Variants in CGNL1 observed in about 807,000 individuals in gnomAD.
CGNL1 encodes the protein cingulin like 1.
Under a neutral mutation model 141.2 loss-of-function variants are expected in CGNL1, and 132 were observed. The ratio of observed to expected loss-of-function variants is 0.93; its 90% CI spans 0.81 to 1.08. CGNL1 has a LOEUF of 1.08. Ranked by LOEUF, CGNL1 falls within the 50% of genes least tolerant of loss-of-function variation. CGNL1 has a pLI of 0.00. For missense variants in CGNL1, 1,870 were observed against 1,588.6 expected, an observed-to-expected ratio of 1.18 and a Z score of -3.01; for synonymous variants, 690 against 622.1, an observed-to-expected ratio of 1.11 and a Z score of -1.63.
In CGNL1 at chr15:57,461,721, T is replaced by C; in HGVS notation, c.2232T>C (p.Ile744=). The part of the protein sequence containing the change: ...QAKQDLQDLL[I]AKEEQEDLLR... Reference sequence around the variant, plus strand: ...AACAGGATCTTCAAGATCTGCTGATTGCCAAAGAGGAGCAAGAAGACCTCT... The same window carrying C: ...AACAGGATCTTCAAGATCTGCTGATCGCCAAAGAGGAGCAAGAAGACCTCT... The change falls in exon 8 of 19, where the codon ATT becomes ATC. Residue 744 remains isoleucine, a synonymous_variant. Transcript: ENST00000281282. 6.2e-7 allele frequency: 1 copy of C among 1,614,114 alleles called. No homozygotes were observed. Among genetic ancestry groups the C allele is most frequent in the East Asian group, 2.2e-5 (1 of 44,864 alleles).
chr15:57,442,249 A>G (rs2152311487), intron 3 of CGNL1, 124 bp from the exon 4 acceptor site: 1 of 416,920 alleles, frequency 2.4e-6, no homozygotes, highest in East Asian at 5.2e-5. Context: ...TGAGGCTTTA[A>G]TTAATTCACA....
intron 8 of CGNL1, among the ~76,000 whole-genome samples, chr15:57,469,921 T>C (rs1195202495): frequency 1.3e-5 from 2 of 152,246 alleles, no homozygotes; most frequent in East Asian, 3.8e-4. Flanking sequence ...GTAAAACCAG[T>C]GCTAATCTCA....
At chr15:57,453,561 A>G (rs2063344771) in intron 6 of CGNL1, 122 bp from the exon 7 acceptor site, 3 of 1,287,994 alleles carry the variant, frequency 2.3e-6, no homozygotes, top group Admixed American at 2.3e-5. Context: ...TGCAGAACAG[A>G]GAATGGGGAG....
intron 8 of CGNL1, among the ~76,000 whole-genome samples, chr15:57,511,009 G>A (rs907465881): frequency 2.1e-5 from 3 of 146,106 alleles, no homozygotes; most frequent in African/African-American, 5.0e-5. Flanking sequence ...GGCCGAGGAC[G>A]TGGGTTGTTT....
chr15:57,438,357 C>G lies in CGNL1; in HGVS notation c.358C>G (p.Pro120Ala). 1 of 1,614,122 alleles carries G rather than the reference C, an allele frequency of 6.2e-7. No homozygotes were observed. The highest frequency in any genetic ancestry group is 1.6e-4 in the Middle Eastern group (1 of 6,062). ...TAGCCCAATAAGAAACCTGAAACAG[C>G]CCCTGCTCCATGAGGGCAAGAATGG... The part of the protein sequence containing the change: ...QPSPIRNLKQ[P>A]LLHEGKNGVL... The change falls in exon 2 of 19, where the codon CCC becomes GCC. Residue 120 changes from proline (P) to alanine (A), a missense_variant. By Grantham distance (27) the Pro-to-Ala change is conservative. Transcript: ENST00000281282.
intron 8 of CGNL1, among the ~76,000 whole-genome samples, chr15:57,514,176 G>T (rs1170221456): frequency 1.3e-5 from 2 of 151,896 alleles, no homozygotes; most frequent in African/African-American, 4.8e-5. Context: ...TTTTGAGATG[G>T]AGTCTTGCTC....
At chr15:57,531,280 C>T (rs532947180) in intron 13 of CGNL1, among the ~76,000 whole-genome samples, 1 of 152,314 alleles carries the variant, frequency 6.6e-6, no homozygotes, top group East Asian at 1.9e-4. Context: ...CTCTTGCAGA[C>T]AAAAGATTGT....
chr15:57,471,662 G>A (rs2063583259), intron 8 of CGNL1, among the ~76,000 whole-genome samples: 1 of 152,216 alleles, frequency 6.6e-6, no homozygotes, highest in Admixed American at 6.5e-5. Context: ...CCGATGGAGT[G>A]AGGAGGGCCC....
rs904032064 is a variant in CGNL1 at position 57,495,375 on chromosome 15, A to G, written c.2404-21405A>G. 3.9e-5 allele frequency among the ~76,000 whole-genome samples: 6 copies of G among 152,148 alleles called. No homozygotes were observed. In the East Asian group the frequency reaches 1.2e-3, roughly 29 times the overall value. ...AACCTCTGCCAGCTCTGAGACCTCG[A>G]GGTGGCATTGAGCTGTCTTGTGGGA... On this transcript the variant is annotated intron_variant, in intron 8 of 18. Coordinates refer to ENST00000281282, the MANE Select transcript of CGNL1 (RefSeq NM_032866.5).
chr15:57,443,973 A>C (rs1422822230), intron 4 of CGNL1, among the ~76,000 whole-genome samples: 1 of 152,200 alleles, frequency 6.6e-6, no homozygotes, highest in Admixed American at 6.5e-5. Context: ...ACTTATATAA[A>C]GTAAATTACA....
chr15:57,419,507 G>A (rs2062889604), intron 1 of CGNL1, among the ~76,000 whole-genome samples: 1 of 152,120 alleles, frequency 6.6e-6, no homozygotes, highest in Non-Finnish European at 1.5e-5. Flanking sequence ...TGGCTGTGAT[G>A]CTTTGAGATA....
chr15:57,545,994 G>C (rs2140256553), intron 17 of CGNL1, 82 bp from the exon 18 acceptor site: 3 of 1,482,952 alleles, frequency 2.0e-6, no homozygotes, highest in Non-Finnish European at 2.7e-6. Flanking sequence ...TGCCTGGGGA[G>C]ATGGTGGCTG....
At chr15:57,462,433 C>A (rs889072333) in intron 8 of CGNL1, among the ~76,000 whole-genome samples, 1 of 152,154 alleles carries the variant, frequency 6.6e-6, no homozygotes, top group East Asian at 1.9e-4. Context: ...TAATTGAATT[C>A]TTGGCTCCTA....
intron 4 of CGNL1, among the ~76,000 whole-genome samples, chr15:57,446,782 G>T (rs1450485279): frequency 6.7e-6 from 1 of 149,354 alleles, no homozygotes; most frequent in Non-Finnish European, 1.5e-5. Context: ...GTTCCCAAAT[G>T]ATTTTACACA....
intron 1 of CGNL1, among the ~76,000 whole-genome samples, chr15:57,423,531 C>T (rs2062939174): frequency 6.6e-6 from 1 of 152,188 alleles, no homozygotes; most frequent in South Asian, 2.1e-4. Flanking sequence ...GTCCAGCTTC[C>T]ATGCCTTCCA....
At chr15:57,387,019 A>G (rs1446007458) in intron 1 of CGNL1, among the ~76,000 whole-genome samples, 1 of 152,156 alleles carries the variant, frequency 6.6e-6, no homozygotes, top group South Asian at 2.1e-4. Context: ...CATCACCACT[A>G]TCTAATTCCA....
chr15:57,395,416 A>T (rs2062591573), intron 1 of CGNL1, among the ~76,000 whole-genome samples: 1 of 152,162 alleles, frequency 6.6e-6, no homozygotes, highest in Non-Finnish European at 1.5e-5. Context: ...TTTCTTTGAA[A>T]CCTCAGCAGC....
intron 8 of CGNL1, among the ~76,000 whole-genome samples, chr15:57,469,626 T>C (rs1351376191): frequency 1.3e-5 from 2 of 152,148 alleles, no homozygotes; most frequent in Non-Finnish European, 2.9e-5. Context: ...CTGTTCCTCA[T>C]ACTGTAAATT....
intron 1 of CGNL1, chr15:57,406,066 C>G (rs2062719283): frequency 6.6e-6 from 1 of 152,440 alleles, no homozygotes; most frequent in Admixed American, 6.5e-5. Context: ...AACACACAGG[C>G]AAGGCACATC....
Sources: allele counts gnomAD v4.1 joint callset (sites outside exome capture counted in the v4.1 genomes callset), GRCh38; gene constraint gnomAD v4.1.1; transcripts MANE v1.5; gene names NCBI Gene and HGNC (gene_info 2026-07-23, HGNC 2026-07-21).